The following CDH23 variants were observed in gnomAD, a reference collection of about 807,000 sequenced individuals.
The protein encoded by CDH23 is cadherin related 23.
In CDH23, 189 loss-of-function variants were observed where a neutral mutation model predicts 317.1. That is an observed-to-expected ratio of 0.60 (90% CI 0.53 to 0.67). The LOEUF is 0.67. CDH23 is among the 30% of genes least tolerant of loss of function. CDH23 has a pLI of 0.00. For synonymous variants in CDH23, 1,839 were observed against 1,876.8 expected (o/e 0.98, Z 0.52); for missense variants, 4,401 against 4,592.4 (o/e 0.96, Z 1.20).
At chr10:71,789,825 G>A (rs1203582186) in intron 45 of CDH23, among the ~76,000 whole-genome samples, 1 of 152,236 alleles carries the variant, frequency 6.6e-6, no homozygotes, top group East Asian at 1.9e-4. Flanking sequence ...GCGTGCTCCT[G>A]GACAAGTGCC....
chr10:71,628,931 A>G (rs1861877577), intron 11 of CDH23, among the ~76,000 whole-genome samples: 2 of 152,184 alleles, frequency 1.3e-5, no homozygotes, highest in Non-Finnish European at 2.9e-5. Flanking sequence ...CTCTTTTCAC[A>G]TGGGCAAAAC....
intron 34 of CDH23, among the ~76,000 whole-genome samples, chr10:71,736,197 G>T (rs1030815267): frequency 6.6e-6 from 1 of 152,242 alleles, no homozygotes; most frequent in Admixed American, 6.5e-5. Context: ...CCCTCTTCCG[G>T]TTAGCAGGGC....
At chr10:71,654,130 G>A (rs914314080) in intron 14 of CDH23, among the ~76,000 whole-genome samples, 1 of 152,200 alleles carries the variant, frequency 6.6e-6, no homozygotes, top group African/African-American at 2.4e-5. Context: ...AAGCCTCTTC[G>A]GAGGGACGCA....
chr10:71,420,820 C>G (rs1246913164), intron 1 of CDH23, among the ~76,000 whole-genome samples: 1 of 152,088 alleles, frequency 6.6e-6, no homozygotes, highest in Non-Finnish European at 1.5e-5. Context: ...CCTGGCTGCT[C>G]TCTTGGCCTC....
chr10:71,403,393 T>TTC (rs1183658416), intron 1 of CDH23, among the ~76,000 whole-genome samples: 1 of 103,350 alleles, frequency 9.7e-6, no homozygotes, highest in African/African-American at 4.5e-5. Context: ...CTTTCTTTCT[T>TTC]TCTTTCTTTC....
intron 34 of CDH23, among the ~76,000 whole-genome samples, chr10:71,736,382 C>T (rs1839566157): frequency 6.6e-6 from 1 of 152,220 alleles, no homozygotes; most frequent in Non-Finnish European, 1.5e-5. Context: ...CAAACCACAG[C>T]TCACCTCCAC....
chr10:71,473,733 A>G (rs1851638859), intron 3 of CDH23, among the ~76,000 whole-genome samples: 1 of 152,224 alleles, frequency 6.6e-6, no homozygotes, highest in Admixed American at 6.5e-5. Flanking sequence ...ATTATGGATG[A>G]TGATTGTAGC....
intron 20 of CDH23, 48 bp from the exon 21 acceptor site, chr10:71,694,099 C>T (rs1262636475): frequency 4.3e-6 from 6 of 1,409,632 alleles, no homozygotes; most frequent in Non-Finnish European, 6.0e-6. Context: ...CTCCCTCTCT[C>T]CCTGGCCCAC....
At chr10:71,477,536 T>G (rs1307129918) in intron 3 of CDH23, among the ~76,000 whole-genome samples, 1 of 152,148 alleles carries the variant, frequency 6.6e-6, no homozygotes, top group Non-Finnish European at 1.5e-5. Context: ...TCTACAATCC[T>G]TTCTTCTGGA....
At position 71,740,856 on chromosome 10, in the gene CDH23, A is replaced by C. The variant is rs1175704874; in HGVS notation, c.4523A>C (p.Lys1508Thr). 6.2e-7 allele frequency: 1 copy of C among 1,613,896 alleles called. No individual in the cohort carries two copies. The highest frequency in any genetic ancestry group is 2.2e-5 in the East Asian group (1 of 44,888). ...TCTGACCGAGGCACCCCTCCACGGA[A>C]GAAGGACCACATCCTGCAGGTGACC... is the stretch of plus-strand genomic sequence containing the variant. ...VASDRGTPPRKKDHILQVTIL... is the reference protein window; with the variant it reads ...VASDRGTPPRTKDHILQVTIL... Residue 1508 changes from lysine to threonine, a missense_variant, in exon 37 of 70, where the codon AAG becomes ACG. Transcript: ENST00000224721.
At chr10:71,613,671 C>G (rs1482796282) in intron 9 of CDH23, among the ~76,000 whole-genome samples, 1 of 152,196 alleles carries the variant, frequency 6.6e-6, no homozygotes, top group African/African-American at 2.4e-5. Context: ...AATTGCCCCA[C>G]CCTTGACTTT....
At chr10:71,778,073 T>A in intron 39 of CDH23, 116 bp from the exon 40 acceptor site, 1 of 1,481,242 alleles carries the variant, frequency 6.8e-7, no homozygotes, top group Non-Finnish European at 9.2e-7. Context: ...GGCTAGGGGG[T>A]GGCAGTGGTT....
At chr10:71,643,517 T>G (rs1449252211) in intron 11 of CDH23, among the ~76,000 whole-genome samples, 1 of 152,076 alleles carries the variant, frequency 6.6e-6, no homozygotes, top group Non-Finnish European at 1.5e-5. Flanking sequence ...ACTGAGGCCT[T>G]CTGGGTGAGA....
rs544844449 is a variant in CDH23, at chr10:71,406,042, G to T, written c.-6+8724G>T. ...AATTTTTTTTTTTTTTTGAGGCAAG[G>T]TCTTTCTCTGTCGCCCAGGCTAGAG... On this transcript the variant is annotated intron_variant, in intron 1 of 69. Coordinates refer to ENST00000224721, the MANE Select transcript of CDH23 (RefSeq NM_022124.6). Among the ~76,000 whole-genome samples, 87 of 148,230 alleles carry T rather than the reference G, an allele frequency of 5.9e-4. No homozygotes were observed. The East Asian group carries it at 9.0e-3, about 15-fold the overall frequency.
chr10:71,687,977 G>T (rs1864976705), intron 19 of CDH23, among the ~76,000 whole-genome samples: 1 of 152,192 alleles, frequency 6.6e-6, no homozygotes, highest in African/African-American at 2.4e-5. Flanking sequence ...TCTAACTATA[G>T]TCTAGTGGGG....
rs2132825518 is a variant in CDH23 at position 71,732,230 on chromosome 10, C to T, written c.3959C>T (p.Ala1320Val). 6.2e-7 allele frequency: 1 copy of T among 1,613,756 alleles called. No individual in the cohort carries two copies. Among genetic ancestry groups the T allele is most frequent in the Non-Finnish European group, 8.5e-7 (1 of 1,179,728 alleles). The change falls in exon 32 of 70, where the codon GCT (alanine) becomes GTT (valine). Residue 1320 changes from alanine (A) to valine (V), a missense_variant. Physicochemically the swap from Ala to Val is moderately conservative, Grantham distance 64. Transcript: ENST00000224721. ...CAGTTCTCCAATGCCTCATACGAGG[C>T]TGCCATCCTGGAGAATCTGGCACTG... ...AVQFSNASYE[A>V]AILENLALGT...
intron 1 of CDH23, among the ~76,000 whole-genome samples, chr10:71,424,619 A>G (rs1848970225): frequency 1.3e-5 from 2 of 152,164 alleles, no homozygotes. Context: ...TCCCTGCAAC[A>G]TAGTGTCAGG....
chr10:71,490,340 A>C (rs1483169070), intron 3 of CDH23, among the ~76,000 whole-genome samples: 1 of 152,186 alleles, frequency 6.6e-6, no homozygotes, highest in Non-Finnish European at 1.5e-5. Flanking sequence ...CACTTAAACT[A>C]TGGCCTATTT....
chr10:71,781,262 A>G (rs1840946551), intron 41 of CDH23, among the ~76,000 whole-genome samples: 1 of 152,208 alleles, frequency 6.6e-6, no homozygotes, highest in Non-Finnish European at 1.5e-5. Flanking sequence ...TGACAGAATG[A>G]GAGCCCCTGC....
Sources: gnomAD v4.1 joint callset for allele counts (sites outside exome capture counted in the v4.1 genomes callset) on GRCh38, gnomAD v4.1.1 for gene constraint, MANE v1.5 for transcripts, NCBI Gene and HGNC (gene_info 2026-07-23, HGNC 2026-07-21) for gene names.